The following GPRIN3 variants were observed in gnomAD, a reference collection of about 807,000 sequenced individuals.
GPRIN3 encodes GPRIN family member 3.
In GPRIN3, 12 loss-of-function variants were observed where a neutral mutation model predicts 13.7. That is an observed-to-expected ratio of 0.87 (90% CI 0.56 to 1.42). The LOEUF (loss-of-function observed/expected upper bound fraction) is 1.42, where lower values mean the gene tolerates loss of function less well. Among genes scored for constraint, GPRIN3 ranks in the 40% most tolerant of loss-of-function variants. The pLI is 0.00. For missense variants in GPRIN3, 1,009 were observed against 958.7 expected, an observed-to-expected ratio of 1.05 and a Z score of -0.69; for synonymous variants, 377 against 372.7, an observed-to-expected ratio of 1.01 and a Z score of -0.13.
rs1203020855 is a variant in GPRIN3, at chr4:89,239,968, C to T, written c.*7812G>A. 1.3e-5 allele frequency: 2 copies of T among 152,086 alleles called. No individual in the cohort carries two copies. The highest frequency in any genetic ancestry group is 4.8e-5 in the African/African-American group (2 of 41,404). The allele number at this position is 152,086 out of a possible 1,614,324, so 9.4% of individuals were successfully genotyped here. A position where few individuals can be genotyped will look rare whatever the true frequency, so the allele number is the denominator to read the frequency against. On this transcript the variant is annotated 3_prime_UTR_variant, in exon 2 of 2. Transcript: ENST00000609438. Reference sequence around the variant, plus strand: ...TGAGCCACCACGCCCAGCCTCCATGCATATTTTCAATCTGATACCCAACCA... The same window carrying T: ...TGAGCCACCACGCCCAGCCTCCATGTATATTTTCAATCTGATACCCAACCA...
chr4:89,306,759 C>T (rs1310053025), intron 1 of GPRIN3, among the ~76,000 whole-genome samples: 2 of 152,122 alleles, frequency 1.3e-5, no homozygotes, highest in African/African-American at 4.8e-5. Flanking sequence ...ACACCCCAAG[C>T]GGTGATTTCT....
intron 1 of GPRIN3, among the ~76,000 whole-genome samples, chr4:89,273,983 T>C (rs1453336032): frequency 6.6e-6 from 1 of 152,246 alleles, no homozygotes; most frequent in Non-Finnish European, 1.5e-5. Flanking sequence ...ACATAGACTC[T>C]GTCCTCAAGA....
At chr4:89,300,457 T>C (rs954122739) in intron 1 of GPRIN3, among the ~76,000 whole-genome samples, 1 of 152,142 alleles carries the variant, frequency 6.6e-6, no homozygotes, top group Non-Finnish European at 1.5e-5. Context: ...ATAATAGATC[T>C]GATGTTTAAA....
intron 1 of GPRIN3, among the ~76,000 whole-genome samples, chr4:89,255,989 C>T (rs1723454291): frequency 6.6e-6 from 1 of 152,114 alleles, no homozygotes; most frequent in African/African-American, 2.4e-5. Context: ...AGACTTAAAG[C>T]CTTGTTCTGG....
intron 1 of GPRIN3, among the ~76,000 whole-genome samples, chr4:89,251,382 A>G (rs1723320695): frequency 6.6e-6 from 1 of 152,332 alleles, no homozygotes; most frequent in Admixed American, 6.5e-5. Flanking sequence ...ATAAATATGT[A>G]TTGTTACAGC....
chr4:89,236,385 A>G lies in GPRIN3; in HGVS notation c.*11395T>C, dbSNP rs1722797678. 1 of 149,758 alleles carries G rather than the reference A, an allele frequency of 6.7e-6. No individual in the cohort carries two copies. The highest frequency in any genetic ancestry group is 1.5e-5 in the Non-Finnish European group (1 of 67,296). 9.3% of individuals were successfully genotyped at this position (149,758 alleles called of 1,614,324 possible). On this transcript the variant is annotated 3_prime_UTR_variant, in exon 2 of 2. Transcript: ENST00000609438. ...CAAAACAAAACAAAACAAAATTCTTATTATTTATCCAGATTTATCAAAAGT... is the reference window on the plus strand; with the variant it reads ...CAAAACAAAACAAAACAAAATTCTTGTTATTTATCCAGATTTATCAAAAGT...
At chr4:89,307,164 T>G (rs1578123816) in intron 1 of GPRIN3, among the ~76,000 whole-genome samples, 1 of 151,884 alleles carries the variant, frequency 6.6e-6, no homozygotes. Flanking sequence ...ACATATGCAT[T>G]TATGTATGTG....
chr4:89,254,963 T>C lies in GPRIN3; in HGVS notation c.-123-4730A>G, dbSNP rs74613990. On this transcript the variant is annotated intron_variant, in intron 1 of 1. Coordinates refer to ENST00000609438, the MANE Select transcript of GPRIN3 (RefSeq NM_198281.3). The stretch of plus-strand genomic sequence containing the variant: ...CCACATGGCAACCACTAGGTGGCGC[T>C]GAGAAGAACTGTCCCCCTTGACGGG... Among the ~76,000 whole-genome samples the C allele has an allele frequency of 2.6e-3, 396 of 152,318 alleles. 3 individuals are homozygous for C. Among genetic ancestry groups the C allele is most frequent in the African/African-American group, 9.1e-3 (378 of 41,580 alleles).
chr4:89,283,608 G>C (rs1724318223), intron 1 of GPRIN3, among the ~76,000 whole-genome samples: 1 of 152,142 alleles, frequency 6.6e-6, no homozygotes, highest in South Asian at 2.1e-4. Context: ...GAGCCCTTTG[G>C]TAGAGCTCGG....
intron 1 of GPRIN3, among the ~76,000 whole-genome samples, chr4:89,291,830 C>CTTTTTT (rs33981386): frequency 2.6e-5 from 3 of 115,854 alleles, no homozygotes; most frequent in African/African-American, 6.2e-5. Flanking sequence ...ACTGTCAGGG[C>CTTTTTT]TTTTTTTTTT....
At position 89,298,275 on chromosome 4, in the gene GPRIN3, T is replaced by C. The variant is rs148679002; in HGVS notation, c.-124+9340A>G. Among the ~76,000 whole-genome samples the C allele has an allele frequency of 2.3e-4, 35 of 152,256 alleles. No individual in the cohort carries two copies. The East Asian group carries it at 6.8e-3, about 29-fold the overall frequency. On this transcript the variant is annotated intron_variant, in intron 1 of 1. Coordinates refer to ENST00000609438, the MANE Select transcript of GPRIN3 (RefSeq NM_198281.3). ...ACTAAGTCAAAAATGCATGTGTCTG[T>C]GACTTTATTTTCTACAACATTAAGG...
chr4:89,282,992 A>G (rs1724295191), intron 1 of GPRIN3, among the ~76,000 whole-genome samples: 1 of 152,218 alleles, frequency 6.6e-6, no homozygotes, highest in Admixed American at 6.5e-5. Context: ...GTTTTTCTGA[A>G]AGTGATAAGA....
At position 89,238,658 on chromosome 4, in the gene GPRIN3, A is replaced by C. The variant is rs1396347676; in HGVS notation, c.*9122T>G. The C allele has an allele frequency of 6.6e-6, 1 of 152,072 alleles. No homozygotes were observed. Among genetic ancestry groups the C allele is most frequent in the Non-Finnish European group, 1.5e-5 (1 of 68,024 alleles). The allele number at this position is 152,072 out of a possible 1,614,324, so 9.4% of individuals were successfully genotyped here. On this transcript the variant is annotated 3_prime_UTR_variant, in exon 2 of 2. Coordinates refer to ENST00000609438, the MANE Select transcript of GPRIN3 (RefSeq NM_198281.3). Reference sequence around the variant, plus strand: ...AGGAAAAACCTCGCGTTTGATGACCAGGAGGAATTGTTGATTCTATGGGAA... The same window carrying C: ...AGGAAAAACCTCGCGTTTGATGACCCGGAGGAATTGTTGATTCTATGGGAA...
chr4:89,251,078 A>G (rs1723313244), intron 1 of GPRIN3: 1 of 152,146 alleles, frequency 6.6e-6, no homozygotes, highest in Admixed American at 6.5e-5. Context: ...GGGCAGGCAA[A>G]AATACCTATA....
Position 89,257,684 on chromosome 4 carries a change from G to A in GPRIN3, c.-123-7451C>T, listed in dbSNP as rs568839766. ...TTGTTAACCAGTTTTACACAGGGAA[G>A]AGAGACCTCTTTTAATTTTTATTTT... On this transcript the variant is annotated intron_variant, in intron 1 of 1. Transcript: ENST00000609438. Among the ~76,000 whole-genome samples the A allele has an allele frequency of 3.9e-5, 6 of 152,304 alleles. No individual in the cohort carries two copies. The East Asian group carries it at 1.2e-3, about 30-fold the overall frequency.
At chr4:89,298,250 A>G (rs1314896858) in intron 1 of GPRIN3, among the ~76,000 whole-genome samples, 2 of 152,160 alleles carry the variant, frequency 1.3e-5, no homozygotes, top group Non-Finnish European at 2.9e-5. Context: ...TTTTAGGAGA[A>G]CTAAGTCAAA....
Position 89,250,226 on chromosome 4 carries a change from G to A in GPRIN3, c.-116C>T. The A allele has an allele frequency of 1.3e-6, 2 of 1,501,016 alleles. No individual in the cohort carries two copies. The highest frequency in any genetic ancestry group is 2.8e-5 in the South Asian group (2 of 71,460). 93.0% of individuals were successfully genotyped at this position (1,501,016 alleles called of 1,614,324 possible). On this transcript the variant is annotated 5_prime_UTR_variant, in exon 2 of 2. Coordinates refer to ENST00000609438, the MANE Select transcript of GPRIN3 (RefSeq NM_198281.3). ...CACAGTCAGGGATGATTCCTCTGAA[G>A]AACCAGCCTGTGAATCAAGGAAACA...
At chr4:89,270,026 T>C (rs1309456992) in intron 1 of GPRIN3, among the ~76,000 whole-genome samples, 1 of 152,212 alleles carries the variant, frequency 6.6e-6, no homozygotes, top group Non-Finnish European at 1.5e-5. Context: ...TTAATTCTCA[T>C]TTAAGGAGAA....
At chr4:89,298,434 G>A (rs1466274025) in intron 1 of GPRIN3, among the ~76,000 whole-genome samples, 3 of 152,064 alleles carry the variant, frequency 2.0e-5, no homozygotes, top group African/African-American at 7.2e-5. Context: ...ATACAGGAAG[G>A]AAGAAAGAGG....
Sources: allele counts gnomAD v4.1 joint callset (sites outside exome capture counted in the v4.1 genomes callset), GRCh38; gene constraint gnomAD v4.1.1; transcripts MANE v1.5; gene names NCBI Gene and HGNC (gene_info 2026-07-23, HGNC 2026-07-21).